SMARCC1: variants seen among roughly 807,000 people sequenced by gnomAD.
The protein encoded by SMARCC1 is SWI/SNF related BAF chromatin remodeling complex subunit C1.
In SMARCC1, 43 loss-of-function variants were observed where a neutral mutation model predicts 147.4. That is an observed-to-expected ratio of 0.29 (90% CI 0.23 to 0.38). The LOEUF (loss-of-function observed/expected upper bound fraction) is 0.38, where lower values mean the gene tolerates loss of function less well. Ranked by LOEUF, SMARCC1 falls within the 10% of genes least tolerant of loss-of-function variation. The pLI is 1.00. For synonymous variants in SMARCC1, 495 were observed against 484.4 expected (o/e 1.02, Z -0.29); for missense variants, 1,119 against 1,381.1 (o/e 0.81, Z 3.01).
In SMARCC1 at chr3:47,636,784, ATATATGTGTGTG is replaced by A. The variant is rs1348008143; in HGVS notation, c.2377-660_2377-649del. ...AACAACAACAACCACAACAAAATAT[ATATATGTGTGTG>A]TGTGTGTGTGTGTGTGTGTGTGTGT... On this transcript the variant is annotated intron_variant, in intron 22 of 27. Coordinates refer to ENST00000254480, the MANE Select transcript of SMARCC1 (RefSeq NM_003074.4). 3.5e-3 allele frequency among the ~76,000 whole-genome samples: 234 copies of A among 67,690 alleles called. 2 individuals carry two copies. Among genetic ancestry groups the A allele is most frequent in the Admixed American group, 7.5e-3 (47 of 6,232 alleles). 44.4% of individuals were successfully genotyped at this position (67,690 alleles called of 152,430 possible).
intron 21 of SMARCC1, among the ~76,000 whole-genome samples, chr3:47,650,260 A>C (rs1003299876): frequency 6.7e-6 from 1 of 148,522 alleles, no homozygotes; most frequent in African/African-American, 2.5e-5. Flanking sequence ...TGGGCGACAG[A>C]GCGAGACTCT....
At chr3:47,640,285 T>C (rs1378721681) in intron 21 of SMARCC1, among the ~76,000 whole-genome samples, 3 of 151,014 alleles carry the variant, frequency 2.0e-5, no homozygotes, top group Non-Finnish European at 4.4e-5. Context: ...TTTAGAAAAA[T>C]ATACAAGAGA....
At chr3:47,694,628 C>CAAA (rs2033826953) in intron 11 of SMARCC1, among the ~76,000 whole-genome samples, 1 of 152,178 alleles carries the variant, frequency 6.6e-6, no homozygotes, top group Non-Finnish European at 1.5e-5. Context: ...AAACCACAGC[C>CAAA]AAATTGCATT....
intron 1 of SMARCC1, among the ~76,000 whole-genome samples, chr3:47,775,354 G>A (rs1200027028): frequency 1.3e-5 from 2 of 150,264 alleles, no homozygotes; most frequent in Admixed American, 1.3e-4. Context: ...TAGAGACGGG[G>A]TTTCACCATG....
chr3:47,722,297 T>TTA (rs1421764938), intron 6 of SMARCC1, among the ~76,000 whole-genome samples: 1 of 147,742 alleles, frequency 6.8e-6, no homozygotes, highest in Non-Finnish European at 1.5e-5. Flanking sequence ...ATTTTGATTT[T>TTA]TTTTTTTTTT....
rs1376252751 is a variant in SMARCC1, at chr3:47,588,220, C to T, written c.3307G>A (p.Ala1103Thr). The T allele has an allele frequency of 6.2e-7, 1 of 1,613,526 alleles. No individual in the cohort carries two copies. The highest frequency in any genetic ancestry group is 1.7e-5 in the Admixed American group (1 of 59,966). ...PPPAPGPPAS[A>T]AP ...CTGCATCTTCCAGGCTAAGGAGCAG[C>T]TGAGGCTGGCGGGCCAGGAGCAGGA... The change falls in exon 28 of 28, where the codon GCT becomes ACT. Residue 1103 changes from alanine (A) to threonine (T), a missense_variant. By Grantham distance (58) the Ala-to-Thr change is moderately conservative (BLOSUM62 0). Coordinates refer to ENST00000254480, the MANE Select transcript of SMARCC1 (RefSeq NM_003074.4).
chr3:47,692,680 A>G (rs2033804062), intron 12 of SMARCC1, among the ~76,000 whole-genome samples: 1 of 152,220 alleles, frequency 6.6e-6, no homozygotes, highest in African/African-American at 2.4e-5. Flanking sequence ...GGCACTAAGA[A>G]TAAGCCACAG....
At chr3:47,744,443 G>A (rs926688348) in intron 3 of SMARCC1, among the ~76,000 whole-genome samples, 2 of 152,038 alleles carry the variant, frequency 1.3e-5, no homozygotes, top group Admixed American at 6.6e-5. Flanking sequence ...AAATACACAT[G>A]TAAGTTTGTA....
At chr3:47,744,391 T>A (rs2034543026) in intron 3 of SMARCC1, among the ~76,000 whole-genome samples, 1 of 152,034 alleles carries the variant, frequency 6.6e-6, no homozygotes, top group Admixed American at 6.6e-5. Context: ...GTGATCCAAA[T>A]CAATATCTAT....
intron 26 of SMARCC1, chr3:47,603,769 G>A: frequency 3.4e-6 from 1 of 297,162 alleles, no homozygotes; most frequent in Non-Finnish European, 6.6e-6. Flanking sequence ...AAACCTAAAG[G>A]TGGTCTAAGA....
At chr3:47,764,637 T>A (rs1186082082) in intron 2 of SMARCC1, among the ~76,000 whole-genome samples, 1 of 152,154 alleles carries the variant, frequency 6.6e-6, no homozygotes, top group Non-Finnish European at 1.5e-5. Context: ...GCCCATATTC[T>A]GCAGCCTACT....
rs372660408 is a variant in SMARCC1, at chr3:47,770,488, T to C, written c.315+2329A>G. The stretch of plus-strand genomic sequence containing the variant: ...ACACAAAAAAATTAACCAGGCATGG[T>C]GGCAGGTGCCTGAATTCCCAGCTAC... On this transcript the variant is annotated intron_variant, in intron 2 of 27. Transcript: ENST00000254480. 3.2e-4 allele frequency among the ~76,000 whole-genome samples: 48 copies of C among 151,980 alleles called. No homozygotes were observed. In the South Asian group the frequency reaches 9.3e-3, roughly 30 times the overall value.
At chr3:47,642,954 G>T (rs1000978299) in intron 21 of SMARCC1, among the ~76,000 whole-genome samples, 1 of 152,176 alleles carries the variant, frequency 6.6e-6, no homozygotes, top group African/African-American at 2.4e-5. Flanking sequence ...CAGCTACTCA[G>T]TAGGACTGCT....
intron 21 of SMARCC1, among the ~76,000 whole-genome samples, chr3:47,655,839 C>T (rs1273035804): frequency 1.3e-5 from 2 of 152,164 alleles, no homozygotes; most frequent in African/African-American, 4.8e-5. Context: ...AATCACCAGA[C>T]ATACATAGTT....
chr3:47,712,240 A>ATAAC (rs954827440), intron 8 of SMARCC1, among the ~76,000 whole-genome samples: 1 of 152,130 alleles, frequency 6.6e-6, no homozygotes, highest in African/African-American at 2.4e-5. Flanking sequence ...CTCAAAATAA[A>ATAAC]TAACTAACTA....
chr3:47,608,917 G>C (rs1367724324), intron 26 of SMARCC1, among the ~76,000 whole-genome samples: 1 of 149,780 alleles, frequency 6.7e-6, no homozygotes, highest in East Asian at 2.0e-4. Flanking sequence ...TATAGGAAAT[G>C]TGTGTTTGTG....
intron 8 of SMARCC1, 53 bp from the exon 9 acceptor site, chr3:47,710,861 G>A: frequency 6.7e-7 from 1 of 1,486,276 alleles, no homozygotes; most frequent in East Asian, 2.3e-5. Flanking sequence ...ATCACTCAAG[G>A]TTTTACAGTA....
intron 7 of SMARCC1, among the ~76,000 whole-genome samples, chr3:47,719,755 A>G (rs1279679701): frequency 1.3e-5 from 2 of 152,164 alleles, no homozygotes; most frequent in Non-Finnish European, 2.9e-5. Flanking sequence ...TATTTTTTGA[A>G]GACAGAGTGA....
At chr3:47,745,720 C>A (rs150201928) in intron 3 of SMARCC1, among the ~76,000 whole-genome samples, 188 bp downstream of exon 3, 2 of 152,148 alleles carry the variant, frequency 1.3e-5, no homozygotes, top group East Asian at 1.9e-4. Flanking sequence ...ATTTTTAAGA[C>A]CCTGTCTCAA....
Sources: gnomAD v4.1 joint callset for allele counts (sites outside exome capture counted in the v4.1 genomes callset) on GRCh38, gnomAD v4.1.1 for gene constraint, MANE v1.5 for transcripts, NCBI Gene and HGNC (gene_info 2026-07-23, HGNC 2026-07-21) for gene names.